The following KCNH5 variants were observed in gnomAD, a reference collection of about 807,000 sequenced individuals.
The protein encoded by KCNH5 is potassium voltage-gated channel subfamily H member 5, also known as voltage-gated delayed rectifier potassium channel KCNH5.
A neutral mutation model predicts 96.1 loss-of-function variants in KCNH5; 46 were observed. The ratio of observed to expected loss-of-function variants is 0.48; its 90% confidence interval spans 0.38 to 0.61. The LOEUF (loss-of-function observed/expected upper bound fraction) is 0.61. Among genes scored for constraint, KCNH5 ranks in the 20% least tolerant of loss-of-function variants. The pLI is 0.00. For missense variants in KCNH5, 907 were observed against 1,225.8 expected (o/e 0.74, Z 3.88); for synonymous variants, 439 against 449.8 (o/e 0.98, Z 0.30).
At chr14:62,954,205 ACT>A (rs1283580043) in intron 6 of KCNH5, among the ~76,000 whole-genome samples, 1 of 151,258 alleles carries the variant, frequency 6.6e-6, no homozygotes, top group Admixed American at 6.6e-5. Flanking sequence ...TATGACAAAT[ACT>A]CTCTCTTCCA....
intron 8 of KCNH5, among the ~76,000 whole-genome samples, chr14:62,845,407 T>C (rs1451503640): frequency 6.6e-6 from 1 of 152,162 alleles, no homozygotes; most frequent in Non-Finnish European, 1.5e-5. Context: ...CAAAAGTCTA[T>C]GGCATAGATA....
chr14:62,950,600 G>C, intron 6 of KCNH5, 41 bp from the exon 7 acceptor site: 1 of 1,466,300 alleles, frequency 6.8e-7, no homozygotes, highest in Non-Finnish European at 9.0e-7. Context: ...CACATTTTCA[G>C]GAAAAAAAAA....
At chr14:62,724,180 G>A (rs536150062) in intron 10 of KCNH5, among the ~76,000 whole-genome samples, 1 of 152,120 alleles carries the variant, frequency 6.6e-6, no homozygotes, top group Admixed American at 6.5e-5. Context: ...CTGGTTATTA[G>A]TACCACCCCC....
At position 62,806,862 on chromosome 14, in the gene KCNH5, A is replaced by T. The variant is rs111856685; in HGVS notation, c.1570-4281T>A. ...GTTAACTGCTATTCTCTTTGGATTA[A>T]TCTGCCTTGCTCTCTTTGCTGATGG... is the stretch of plus-strand genomic sequence containing the variant. On this transcript the variant is annotated intron_variant, in intron 8 of 10. Coordinates refer to ENST00000322893, the MANE Select transcript of KCNH5 (RefSeq NM_139318.5). Among the ~76,000 whole-genome samples, 576 of 152,254 alleles carry T rather than the reference A, an allele frequency of 3.8e-3. 3 individuals are homozygous for T. Among genetic ancestry groups the T allele is most frequent in the African/African-American group, 0.013 (550 of 41,550 alleles).
In KCNH5 at chr14:62,758,912, ATTTT is replaced by A. The variant is rs1271769419; in HGVS notation, c.2019+20812_2019+20815del. Among the ~76,000 whole-genome samples, 3 of 152,202 alleles carry A rather than the reference ATTTT, an allele frequency of 2.0e-5. No individual in the cohort carries two copies. The East Asian group carries it at 5.8e-4, about 29-fold the overall frequency. On this transcript the variant is annotated intron_variant, in intron 10 of 10. Coordinates refer to ENST00000322893, the MANE Select transcript of KCNH5 (RefSeq NM_139318.5). The stretch of plus-strand genomic sequence containing the variant: ...AGACATAGGATAAGATGTTCAGTTT[ATTTT>A]ATATGCTAGCAATCCAAGGGACACA...
At chr14:62,801,376 TAAAA>T (rs34625867) in intron 9 of KCNH5, among the ~76,000 whole-genome samples, 2 of 138,456 alleles carry the variant, frequency 1.4e-5, no homozygotes, top group Non-Finnish European at 1.6e-5. Flanking sequence ...TTTTACCTGG[TAAAA>T]AAAAAAAAAA....
intron 10 of KCNH5, among the ~76,000 whole-genome samples, chr14:62,745,656 T>C (rs1262002658): frequency 6.6e-6 from 1 of 152,138 alleles, no homozygotes; most frequent in Non-Finnish European, 1.5e-5. Context: ...TTGGTGAGGT[T>C]GGAAGAATAA....
At chr14:62,743,620 T>C (rs940583214) in intron 10 of KCNH5, among the ~76,000 whole-genome samples, 2 of 152,132 alleles carry the variant, frequency 1.3e-5, no homozygotes, top group African/African-American at 4.8e-5. Flanking sequence ...TTTGTGTAGG[T>C]AAAGGTCAGA....
intron 10 of KCNH5, among the ~76,000 whole-genome samples, chr14:62,735,011 G>A (rs1218186085): frequency 1.3e-5 from 2 of 152,150 alleles, no homozygotes; most frequent in Non-Finnish European, 2.9e-5. Context: ...GTCAAGACAA[G>A]TGCAGACAAG....
chr14:62,947,191 G>A (rs1456777543), intron 7 of KCNH5, among the ~76,000 whole-genome samples: 1 of 151,972 alleles, frequency 6.6e-6, no homozygotes, highest in Non-Finnish European at 1.5e-5. Context: ...AAAACAAAAA[G>A]GTTTTCTTTT....
chr14:63,001,288 C>A, intron 4 of KCNH5, 43 bp downstream of exon 4: 1 of 1,538,396 alleles, frequency 6.5e-7, no homozygotes, highest in East Asian at 2.3e-5. Context: ...GATCTTTTAG[C>A]AACAGCCTAA....
intron 7 of KCNH5, among the ~76,000 whole-genome samples, chr14:62,850,316 G>A (rs750317748): frequency 4.6e-5 from 7 of 152,040 alleles, no homozygotes; most frequent in Admixed American, 2.0e-4. Context: ...CCAATTTTTG[G>A]AATACCTCCC....
chr14:62,977,617 T>A (rs1331421142), intron 6 of KCNH5, among the ~76,000 whole-genome samples: 2 of 152,038 alleles, frequency 1.3e-5, no homozygotes, highest in Admixed American at 6.6e-5. Flanking sequence ...CCTGAAAAAA[T>A]TTGAAAATGG....
At chr14:63,042,135 C>T (rs1184472618) in intron 1 of KCNH5, among the ~76,000 whole-genome samples, 1 of 151,994 alleles carries the variant, frequency 6.6e-6, no homozygotes. Flanking sequence ...CTCTCTCTCT[C>T]TCCCACCCCA....
intron 7 of KCNH5, among the ~76,000 whole-genome samples, chr14:62,892,858 C>T (rs1297028292): frequency 2.6e-5 from 4 of 152,040 alleles, no homozygotes; most frequent in Non-Finnish European, 5.9e-5. Flanking sequence ...CTGGTGTACC[C>T]CCCCAAAAAT....
At chr14:63,005,842 C>T (rs969627829) in intron 3 of KCNH5, among the ~76,000 whole-genome samples, 4 of 152,110 alleles carry the variant, frequency 2.6e-5, no homozygotes, top group African/African-American at 7.2e-5. Flanking sequence ...ATTTACCAAA[C>T]GTGAATGACT....
At position 62,980,877 on chromosome 14, in the gene KCNH5, C is replaced by A; in HGVS notation, c.937G>T (p.Asp313Tyr). Residue 313 changes from aspartate to tyrosine, a missense_variant, in exon 6 of 11, where the codon GAT (aspartate) becomes TAT (tyrosine). Transcript: ENST00000322893. ...AACCAAAACGAAAAACTTACCTCATCCACATTTTCAAAGGCATTGATGATG... is the reference window on the plus strand; with the variant it reads ...AACCAAAACGAAAAACTTACCTCATACACATTTTCAAAGGCATTGATGATG... ...YDIINAFENV[D>Y]EGISSLFSSL... The A allele has an allele frequency of 6.2e-7, 1 of 1,613,148 alleles. No homozygotes were observed. Among genetic ancestry groups the A allele is most frequent in the Non-Finnish European group, 8.5e-7 (1 of 1,179,844 alleles).
intron 10 of KCNH5, among the ~76,000 whole-genome samples, chr14:62,749,122 C>T (rs567937665): frequency 6.6e-6 from 1 of 152,330 alleles, no homozygotes; most frequent in South Asian, 2.1e-4. Context: ...ACATACCCAA[C>T]AGTTTGGTTA....
intron 1 of KCNH5, among the ~76,000 whole-genome samples, chr14:63,022,533 A>G (rs1891448571): frequency 6.6e-6 from 1 of 152,150 alleles, no homozygotes; most frequent in East Asian, 1.9e-4. Context: ...TTTGGCTCTC[A>G]TAAGACCCAA....
Sources: gnomAD v4.1 joint callset for allele counts (sites outside exome capture counted in the v4.1 genomes callset) on GRCh38, gnomAD v4.1.1 for gene constraint, MANE v1.5 for transcripts, NCBI Gene and HGNC (gene_info 2026-07-23, HGNC 2026-07-21) for gene names.